The following COL27A1 variants were observed in gnomAD, a reference collection of about 807,000 sequenced individuals.
COL27A1 encodes collagen alpha-1(XXVII) chain.
COL27A1 carries 106 observed loss-of-function variants against 251.3 expected under a neutral mutation model. The ratio of observed to expected loss-of-function variants is 0.42; its 90% CI spans 0.36 to 0.50. The LOEUF is 0.50. Among genes scored for constraint, COL27A1 ranks in the 20% least tolerant of loss-of-function variants. The probability of loss-of-function intolerance (pLI) is 0.00; values close to 1 mark genes in which losing one functional copy is unlikely to be tolerated. For synonymous variants in COL27A1, 1,000 were observed against 986.3 expected (o/e 1.01, Z -0.26); for missense variants, 2,325 against 2,522.8 (o/e 0.92, Z 1.68).
intron 27 of COL27A1, among the ~76,000 whole-genome samples, chr9:114,256,172 CG>C (rs1187818556): frequency 1.3e-5 from 2 of 152,152 alleles, no homozygotes; most frequent in Non-Finnish European, 2.9e-5. Context: ...CCATGTTGTC[CG>C]ATAGCACATT....
intron 16 of COL27A1, among the ~76,000 whole-genome samples, chr9:114,234,951 C>T (rs1270136894): frequency 6.6e-5 from 10 of 151,498 alleles, no homozygotes; most frequent in South Asian, 4.2e-4. Context: ...TGGTGGCACG[C>T]GCCTGTAGTC....
At chr9:114,275,844 C>T (rs775570511) in intron 37 of COL27A1, 76 bp downstream of exon 37, 13 of 971,460 alleles carry the variant, frequency 1.3e-5, no homozygotes, top group Non-Finnish European at 1.8e-5. Flanking sequence ...GGCGGCTGGG[C>T]GGGAGGGCTT....
In COL27A1 at chr9:114,270,889, A is replaced by T. The variant is rs1835093035; in HGVS notation, c.3609+108A>T. The T allele has an allele frequency of 3.4e-6, 3 of 871,380 alleles. No homozygotes were observed. In the South Asian group the frequency reaches 4.4e-5, roughly 13 times the overall value. The allele number at this position is 871,380 out of a possible 1,614,324, so 54.0% of individuals were successfully genotyped here. A position where few individuals can be genotyped will look rare whatever the true frequency, so the allele number is the denominator to read the frequency against. On this transcript the variant is annotated intron_variant, in intron 36 of 60. Coordinates refer to ENST00000356083, the MANE Select transcript of COL27A1 (RefSeq NM_032888.4). ...CACTGTGTTCCCATAGAGATCTGAG[A>T]TGACAGCTCCAGCTCCCATTGACAG...
At chr9:114,183,121 G>A (rs1453475555) in intron 5 of COL27A1, 46 bp downstream of exon 5, 1 of 1,566,098 alleles carries the variant, frequency 6.4e-7, no homozygotes, top group South Asian at 1.1e-5. Context: ...TGCTGGGGTT[G>A]GAGCCATGTT....
At position 114,205,376 on chromosome 9, in the gene COL27A1, C is replaced by T. The variant is rs80028103; in HGVS notation, c.2169+230C>T. On this transcript the variant is annotated intron_variant, in intron 8 of 60. Transcript: ENST00000356083. ...ATGCCAGCCTGATGTTGGCATGAGC[C>T]GCACAACGCCAGTTGGAGCCATGAA... Among the ~76,000 whole-genome samples, 1,162 of 152,368 alleles carry T rather than the reference C, an allele frequency of 7.6e-3. 15 individuals carry two copies. The highest frequency in any genetic ancestry group is 0.026 in the African/African-American group (1,069 of 41,594).
At chr9:114,283,687 C>T (rs781380921) in intron 39 of COL27A1, 22 bp from the exon 40 acceptor site, 9 of 1,612,658 alleles carry the variant, frequency 5.6e-6, no homozygotes, top group African/African-American at 1.3e-5. Flanking sequence ...TCCATACCAA[C>T]GAGGGTCTCC....
At position 114,235,629 on chromosome 9, in the gene COL27A1, G is replaced by C; in HGVS notation, c.2596G>C (p.Asp866His). The change falls in exon 17 of 61, where the codon GAT becomes CAT. Residue 866 changes from aspartate (D) to histidine (H), a missense_variant. By Grantham distance (81) the Asp-to-His change is moderately conservative. Around this residue, in one of 4 missense-constraint regions of COL27A1, gnomAD observed 662 missense variants for 795.3 expected, o/e 0.83. Coordinates refer to ENST00000356083, the MANE Select transcript of COL27A1 (RefSeq NM_032888.4). ...ACAAGGGGTTCCAGGTGTGTCAGGAGATCCCGGATTCCAAGGAGACAAGGT... is the reference window on the plus strand; with the variant it reads ...ACAAGGGGTTCCAGGTGTGTCAGGACATCCCGGATTCCAAGGAGACAAGGT... ...GEQGVPGVSG[D>H]PGFQGDKGSQ... is the part of the protein sequence containing the mutation. 6.2e-7 allele frequency: 1 copy of C among 1,613,856 alleles called. No homozygotes were observed. The highest frequency in any genetic ancestry group is 1.1e-5 in the South Asian group (1 of 91,066).
In COL27A1 at chr9:114,275,646, T is replaced by C. The variant is rs1835448784; in HGVS notation, c.3610-15T>C. 5 of 1,522,834 alleles carry C rather than the reference T, an allele frequency of 3.3e-6. No individual in the cohort carries two copies. The highest frequency in any genetic ancestry group is 4.4e-6 in the Non-Finnish European group (5 of 1,124,848). 94.3% of individuals were successfully genotyped at this position (1,522,834 alleles called of 1,614,324 possible). A position where few individuals can be genotyped will look rare whatever the true frequency, so the allele number is the denominator to read the frequency against. On this transcript the variant is annotated splice_polypyrimidine_tract_variant and intron_variant, in intron 36 of 60. Transcript: ENST00000356083. ...ATTCTCTCTCTCTCTCCCCTCTTCA[T>C]GCCCTGCCACCCAGGGGGACAGGGG...
chr9:114,234,830 C>A (rs1832243181), intron 16 of COL27A1, among the ~76,000 whole-genome samples: 1 of 151,348 alleles, frequency 6.6e-6, no homozygotes, highest in Non-Finnish European at 1.5e-5. Flanking sequence ...GTAATCCCAG[C>A]ACGAGGCGGG....
intron 14 of COL27A1, 55 bp downstream of exon 14, chr9:114,222,322 A>T (rs1831171449): frequency 1.3e-6 from 2 of 1,536,024 alleles, no homozygotes; most frequent in African/African-American, 2.7e-5. Context: ...CTCAGGGTGG[A>T]GCCAGCGTGT....
In COL27A1 at chr9:114,297,910, C is replaced by T. The variant is rs568731495; in HGVS notation, c.4585-2160C>T. Among the ~76,000 whole-genome samples, 13 of 152,196 alleles carry T rather than the reference C, an allele frequency of 8.5e-5. 1 individual carries two copies. Among genetic ancestry groups the T allele is most frequent in the African/African-American group, 2.4e-4 (10 of 41,522 alleles). ...TAACATACAAACATCAATTATATGT[C>T]TATACACTAGCAATGAACAATTCAA... On this transcript the variant is annotated intron_variant, in intron 49 of 60. Coordinates refer to ENST00000356083, the MANE Select transcript of COL27A1 (RefSeq NM_032888.4).
At position 114,236,918 on chromosome 9, in the gene COL27A1, G is replaced by T. The variant is rs1318381709; in HGVS notation, c.2620-63G>T. 4.0e-6 allele frequency: 6 copies of T among 1,495,372 alleles called. No individual in the cohort carries two copies. The African/African-American group carries it at 5.5e-5, about 14-fold the overall frequency. The allele number at this position is 1,495,372 out of a possible 1,614,324, so 92.6% of individuals were successfully genotyped here. On this transcript the variant is annotated intron_variant, in intron 17 of 60. Transcript: ENST00000356083. ...GGCCTGGGACCAGCAGGAGGACTGG[G>T]CGGCTGTTCACCTGGCCATTTCTCT...
At chr9:114,247,897 T>C (rs1360715090) in intron 24 of COL27A1, among the ~76,000 whole-genome samples, 1 of 151,882 alleles carries the variant, frequency 6.6e-6, no homozygotes, top group Non-Finnish European at 1.5e-5. Context: ...GTTTTTAGCA[T>C]TATAATGGCA....
At chr9:114,304,771 T>C in intron 57 of COL27A1, 98 bp downstream of exon 57, 1 of 1,057,282 alleles carries the variant, frequency 9.5e-7, no homozygotes, top group Non-Finnish European at 1.4e-6. Flanking sequence ...GTGGCCTGCA[T>C]GGAGCATTTC....
intron 36 of COL27A1, among the ~76,000 whole-genome samples, chr9:114,274,444 T>C (rs1835353279): frequency 6.6e-6 from 1 of 152,194 alleles, no homozygotes; most frequent in African/African-American, 2.4e-5. Context: ...CTCAGTTTCC[T>C]CTTCTGTAAA....
intron 12 of COL27A1, among the ~76,000 whole-genome samples, chr9:114,214,006 TG>T (rs1830542059): frequency 6.6e-6 from 1 of 152,204 alleles, no homozygotes; most frequent in Admixed American, 6.5e-5. Flanking sequence ...CCCTCAACTC[TG>T]TTCCAGCCAC....
intron 19 of COL27A1, among the ~76,000 whole-genome samples, chr9:114,239,588 T>C (rs1278979750): frequency 6.6e-6 from 1 of 152,064 alleles, no homozygotes; most frequent in Non-Finnish European, 1.5e-5. Context: ...CACGAGGATA[T>C]TGCAGGGAAG....
In COL27A1 at chr9:114,306,611, A is replaced by G; in HGVS notation, c.5030A>G (p.Lys1677Arg). Reference protein sequence around the residue: ...HYLSNLIQSIKTPLGTKENPA... With the variant: ...HYLSNLIQSIRTPLGTKENPA... ...CTCAGCAACCTCATCCAGAGCATTA[A>G]GACGCCCCTGGGCACCAAAGAGAAC... The change falls in exon 58 of 61, where the codon AAG (lysine) becomes AGG (arginine). Residue 1677 changes from lysine to arginine, a missense_variant. Transcript: ENST00000356083. 1 of 1,614,182 alleles carries G rather than the reference A, an allele frequency of 6.2e-7. No individual in the cohort carries two copies. Among genetic ancestry groups the G allele is most frequent in the Non-Finnish European group, 8.5e-7 (1 of 1,180,032 alleles).
At chr9:114,158,026 C>A (rs1276042760) in intron 1 of COL27A1, among the ~76,000 whole-genome samples, 1 of 152,134 alleles carries the variant, frequency 6.6e-6, no homozygotes, top group Non-Finnish European at 1.5e-5. Flanking sequence ...CCTCTCCAGA[C>A]GATGACCTGT....
Sources: allele counts gnomAD v4.1 joint callset (sites outside exome capture counted in the v4.1 genomes callset), GRCh38; gene constraint gnomAD v4.1.1; regional missense constraint gnomAD v4.1.1; transcripts MANE v1.5; gene names NCBI Gene and HGNC (gene_info 2026-07-23, HGNC 2026-07-21).